Variants in ARB2A observed in about 807,000 individuals in gnomAD.
ARB2A encodes cotranscriptional regulator ARB2A.
the ARB2A span, among the ~76,000 whole-genome samples, chr5:93,971,460 G>C: frequency 6.6e-6 from 1 of 151,786 alleles, no homozygotes; most frequent in South Asian, 2.1e-4. Flanking sequence ...CCAGCTACTT[G>C]GGAGGCTGAG....
At chr5:93,891,078 G>T in the ARB2A span, among the ~76,000 whole-genome samples, 1 of 152,106 alleles carries the variant, frequency 6.6e-6, no homozygotes, top group Non-Finnish European at 1.5e-5. Flanking sequence ...AGGAGAGAGT[G>T]AGTTTTTCTT....
chr5:94,086,535 G>A, the ARB2A span, among the ~76,000 whole-genome samples: 1 of 152,034 alleles, frequency 6.6e-6, no homozygotes, highest in Non-Finnish European at 1.5e-5. Context: ...GATAATAAAC[G>A]ACTAGGTGAC....
chr5:93,989,838 A>G, the ARB2A span, among the ~76,000 whole-genome samples: 3 of 152,178 alleles, frequency 2.0e-5, no homozygotes, highest in Non-Finnish European at 2.9e-5. Flanking sequence ...TCAGGCACTC[A>G]GTATAACATC....
the ARB2A span, among the ~76,000 whole-genome samples, chr5:93,651,070 A>C: frequency 6.6e-6 from 1 of 152,172 alleles, no homozygotes; most frequent in East Asian, 1.9e-4. Flanking sequence ...ATGACAGCTG[A>C]TTTCTCATCA....
chr5:93,952,197 T>A, the ARB2A span, among the ~76,000 whole-genome samples: 2 of 152,170 alleles, frequency 1.3e-5, no homozygotes, highest in African/African-American at 4.8e-5. Flanking sequence ...AAAATACCAA[T>A]GACATTCTTC....
chr5:93,946,655 A>C, the ARB2A span, among the ~76,000 whole-genome samples: 1 of 152,170 alleles, frequency 6.6e-6, no homozygotes, highest in Non-Finnish European at 1.5e-5. Flanking sequence ...AAATAAAACC[A>C]AAATGTATTG....
chr5:94,032,739 G>A, the ARB2A span, among the ~76,000 whole-genome samples: 3 of 152,288 alleles, frequency 2.0e-5, no homozygotes, highest in African/African-American at 7.2e-5. Flanking sequence ...TGTCCTGGAG[G>A]CAGCACATAA....
the ARB2A span, among the ~76,000 whole-genome samples, chr5:93,846,935 G>A: frequency 6.6e-6 from 1 of 152,174 alleles, no homozygotes; most frequent in East Asian, 1.9e-4. Context: ...AGATTTCTCT[G>A]TAGTATGAAC....
the ARB2A span, among the ~76,000 whole-genome samples, chr5:94,057,140 A>T: frequency 6.6e-6 from 1 of 152,236 alleles, no homozygotes; most frequent in East Asian, 1.9e-4. Flanking sequence ...GCTTGCTGAT[A>T]ACAGAACTTG....
chr5:93,936,471 C>T, the ARB2A span, among the ~76,000 whole-genome samples: 15,858 of 152,134 alleles, frequency 0.1, 952 homozygotes, highest in Middle Eastern at 0.16. Flanking sequence ...AAGAAAAAGT[C>T]TGTTATACCA....
chr5:93,691,428 G>C, the ARB2A span, among the ~76,000 whole-genome samples: 1 of 151,806 alleles, frequency 6.6e-6, no homozygotes, highest in Non-Finnish European at 1.5e-5. Context: ...AAGGATATCA[G>C]GGATTGAACA....
At chr5:93,792,266 G>T in the ARB2A span, among the ~76,000 whole-genome samples, 2 of 152,094 alleles carry the variant, frequency 1.3e-5, no homozygotes, top group South Asian at 4.1e-4. Context: ...AAATTACAAT[G>T]AATATATGTG....
At chr5:93,958,081 A>C in the ARB2A span, among the ~76,000 whole-genome samples, 1 of 152,070 alleles carries the variant, frequency 6.6e-6, no homozygotes, top group Non-Finnish European at 1.5e-5. Flanking sequence ...AAACATTAAA[A>C]TATGCCAATA....
the ARB2A span, among the ~76,000 whole-genome samples, chr5:93,707,680 T>G: frequency 3.3e-5 from 5 of 151,232 alleles, no homozygotes; most frequent in African/African-American, 9.7e-5. Flanking sequence ...GTTTGAGAAA[T>G]TCTCCTGCCT....
the ARB2A span, among the ~76,000 whole-genome samples, chr5:93,916,440 G>A: frequency 6.6e-6 from 1 of 152,088 alleles, no homozygotes; most frequent in African/African-American, 2.4e-5. Context: ...CTAATATTAT[G>A]TATTATCTAT....
chr5:94,099,752 G>A, the ARB2A span, among the ~76,000 whole-genome samples: 6 of 151,086 alleles, frequency 4.0e-5, no homozygotes, highest in African/African-American at 9.7e-5. Context: ...ATGCCATCAC[G>A]TTAAAAATTC....
chr5:93,846,493 C>T, the ARB2A span, among the ~76,000 whole-genome samples: 1 of 151,780 alleles, frequency 6.6e-6, no homozygotes, highest in African/African-American at 2.4e-5. Flanking sequence ...CAGAGCAAGA[C>T]CATGTCTCTA....
the ARB2A span, chr5:93,865,769 T>C: frequency 1.0e-6 from 1 of 985,430 alleles, no homozygotes; most frequent in Non-Finnish European, 1.2e-6. Flanking sequence ...AAACTGACTA[T>C]AATGATGCAT....
At chr5:93,638,089 A>G in the ARB2A span, among the ~76,000 whole-genome samples, 3 of 152,252 alleles carry the variant, frequency 2.0e-5, no homozygotes, top group African/African-American at 7.2e-5. Flanking sequence ...CAACTGAGAG[A>G]GGACAATTGG....
Sources: allele counts gnomAD v4.1 joint callset (sites outside exome capture counted in the v4.1 genomes callset), GRCh38; gene constraint gnomAD v4.1.1; transcripts MANE v1.5; gene names NCBI Gene and HGNC (gene_info 2026-07-23, HGNC 2026-07-21).